Variants in FGD4 observed in about 807,000 individuals in gnomAD.
The protein encoded by FGD4 is FYVE, RhoGEF and PH domain-containing protein 4.
Under a neutral mutation model 102.0 loss-of-function variants are expected in FGD4, and 42 were observed. The ratio of observed to expected loss-of-function variants is 0.41; its 90% confidence interval spans 0.32 to 0.53. The LOEUF is 0.53. Among genes scored for constraint, FGD4 ranks in the 20% least tolerant of loss-of-function variants. The pLI, the probability that FGD4 is intolerant of heterozygous loss-of-function variation, is 0.21. For synonymous variants in FGD4, 380 were observed against 375.7 expected (o/e 1.01, Z -0.13); for missense variants, 902 against 1,078.2 (o/e 0.84, Z 2.29).
At chr12:32,560,040 GA>G (rs1459256669) in intron 1 of FGD4, among the ~76,000 whole-genome samples, 1 of 152,154 alleles carries the variant, frequency 6.6e-6, no homozygotes, top group African/African-American at 2.4e-5. Context: ...TAGACCCCGG[GA>G]GGTGGCCTTT....
At chr12:32,513,404 T>A (rs1304024472) in intron 1 of FGD4, among the ~76,000 whole-genome samples, 1 of 152,194 alleles carries the variant, frequency 6.6e-6, no homozygotes, top group East Asian at 1.9e-4. Flanking sequence ...AAACTGTAAG[T>A]CAGGTGTGGG....
At chr12:32,578,802 G>A (rs1294207819) in intron 3 of FGD4, among the ~76,000 whole-genome samples, 10 of 151,714 alleles carry the variant, frequency 6.6e-5, no homozygotes, top group African/African-American at 2.4e-4. Context: ...CTGCACTCCA[G>A]CCTGGGCGAC....
chr12:32,526,714 G>A (rs2136790268), intron 1 of FGD4, among the ~76,000 whole-genome samples: 1 of 152,236 alleles, frequency 6.6e-6, no homozygotes, highest in African/African-American at 2.4e-5. Flanking sequence ...TTGGGTCCAT[G>A]CTGCTTTTAT....
At chr12:32,497,483 A>G (rs1409627873) in intron 1 of FGD4, among the ~76,000 whole-genome samples, 1 of 152,118 alleles carries the variant, frequency 6.6e-6, no homozygotes, top group Non-Finnish European at 1.5e-5. Flanking sequence ...TAGATACTGT[A>G]TTTTGTGGTT....
intron 11 of FGD4, among the ~76,000 whole-genome samples, chr12:32,623,000 AT>A (rs1949940615): frequency 6.6e-6 from 1 of 152,206 alleles, no homozygotes; most frequent in African/African-American, 2.4e-5. Context: ...ATATTGAAAG[AT>A]TTTTTATATT....
Position 32,645,293 on chromosome 12 carries a change from CTTTT to C in FGD4, c.*4769_*4772del, listed in dbSNP as rs567814235. 2 of 145,100 alleles carry C rather than the reference CTTTT, an allele frequency of 1.4e-5. No homozygotes were observed. The highest frequency in any genetic ancestry group is 3.0e-5 in the Non-Finnish European group (2 of 65,762). The allele number at this position is 145,100 out of a possible 1,614,324, so 9.0% of individuals were successfully genotyped here. On this transcript the variant is annotated 3_prime_UTR_variant, in exon 17 of 17. Transcript: ENST00000534526. The stretch of plus-strand genomic sequence containing the variant: ...CAGTCATGTCTGTCTGTATATAAGA[CTTTT>C]TTTTTTTTAACCAAACTAGCATTTC...
intron 1 of FGD4, among the ~76,000 whole-genome samples, chr12:32,495,488 A>T (rs1196482451): frequency 6.6e-6 from 1 of 152,034 alleles, no homozygotes; most frequent in East Asian, 1.9e-4. Flanking sequence ...CGAGGTCAGG[A>T]GATCGAGACC....
chr12:32,480,650 A>G (rs748636426), intron 1 of FGD4, among the ~76,000 whole-genome samples: 2 of 149,214 alleles, frequency 1.3e-5, no homozygotes, highest in Non-Finnish European at 3.0e-5. Flanking sequence ...ACAGGCACGC[A>G]CCACCATGGC....
intron 1 of FGD4, among the ~76,000 whole-genome samples, chr12:32,453,197 A>AT (rs1327749724): frequency 6.0e-5 from 2 of 33,576 alleles, no homozygotes; most frequent in African/African-American, 5.0e-5. Flanking sequence ...TTTTATATAT[A>AT]TATTATATAT....
At chr12:32,490,554 A>G (rs569530975) in intron 1 of FGD4, among the ~76,000 whole-genome samples, 1 of 152,140 alleles carries the variant, frequency 6.6e-6, no homozygotes, top group African/African-American at 2.4e-5. Flanking sequence ...GCCTGCCACC[A>G]TGCCCGGCTA....
In FGD4 at chr12:32,611,231, T is replaced by C; in HGVS notation, c.1697T>C (p.Ile566Thr). ...AATGAACTAATAAAAGAAGGACAGA[T>C]CCTCAAACTAGCTGCTCGGAACACT... ...PSNELIKEGQ[I>T]LKLAARNTSA... The change falls in exon 10 of 17, where the codon ATC (isoleucine) becomes ACC (threonine). Residue 566 changes from isoleucine to threonine, a missense_variant. Ile to Thr is a moderately conservative substitution (Grantham distance 89). Around this residue, in one of 2 missense-constraint regions of FGD4, gnomAD observed 459 missense variants for 619.0 expected, o/e 0.74. Coordinates refer to ENST00000534526, the MANE Select transcript of FGD4 (RefSeq NM_001370298.3). 1.9e-6 allele frequency: 3 copies of C among 1,614,200 alleles called. No homozygotes were observed. Among genetic ancestry groups the C allele is most frequent in the South Asian group, 2.2e-5 (2 of 91,084 alleles).
intron 3 of FGD4, among the ~76,000 whole-genome samples, chr12:32,581,669 G>A (rs531811868): frequency 6.7e-4 from 101 of 151,796 alleles, no homozygotes; most frequent in African/African-American, 2.2e-3. Context: ...AAAGTTAAGC[G>A]TTGAAAAATA....
At chr12:32,612,233 G>A (rs576852046) in intron 10 of FGD4, among the ~76,000 whole-genome samples, 8 of 152,320 alleles carry the variant, frequency 5.3e-5, no homozygotes, top group Non-Finnish European at 8.8e-5. Context: ...GCAGGGAGCC[G>A]GTGCCCATGC....
chr12:32,406,515 C>T (rs1041094764), intron 1 of FGD4, among the ~76,000 whole-genome samples: 6 of 151,582 alleles, frequency 4.0e-5, no homozygotes, highest in African/African-American at 1.5e-4. Flanking sequence ...GATTGTGTCA[C>T]TGCACTCCAG....
intron 1 of FGD4, among the ~76,000 whole-genome samples, chr12:32,451,652 C>G (rs557332458): frequency 5.3e-5 from 8 of 150,976 alleles, no homozygotes; most frequent in Non-Finnish European, 1.2e-4. Flanking sequence ...ACCTGTAATC[C>G]CAGGAGGGAT....
chr12:32,598,567 G>A lies in FGD4; in HGVS notation c.1082G>A (p.Arg361Gln), dbSNP rs903824731. Residue 361 changes from arginine to glutamine, a missense_variant, in exon 5 of 17, where the codon CGA becomes CAA. Coordinates refer to ENST00000534526, the MANE Select transcript of FGD4 (RefSeq NM_001370298.3). ...LLLTERAYVN[R>Q]LDLLDQVFYC... ...CTTACTGAAAGAGCTTATGTCAACC[G>A]ACTTGACCTCTTAGATCAGGTAAGA... The A allele has an allele frequency of 3.1e-6, 5 of 1,613,474 alleles. No individual in the cohort carries two copies. The highest frequency in any genetic ancestry group is 4.2e-6 in the Non-Finnish European group (5 of 1,179,664).
intron 1 of FGD4, among the ~76,000 whole-genome samples, chr12:32,458,301 A>G (rs1198302163): frequency 6.6e-6 from 1 of 151,706 alleles, no homozygotes; most frequent in Non-Finnish European, 1.5e-5. Flanking sequence ...CTCCTGAGTA[A>G]TTGGGACTAC....
chr12:32,466,593 C>T (rs796245935), intron 1 of FGD4, among the ~76,000 whole-genome samples: 111 of 151,992 alleles, frequency 7.3e-4, no homozygotes, highest in African/African-American at 2.6e-3. Flanking sequence ...CATGGCCGGG[C>T]GCGGTGGCTC....
intron 12 of FGD4, 80 bp from the exon 13 acceptor site, chr12:32,624,896 A>C: frequency 3.4e-6 from 4 of 1,186,754 alleles, no homozygotes; most frequent in Non-Finnish European, 5.0e-6. Context: ...TTCCTATCAT[A>C]GATATTTGTT....
Sources: gnomAD v4.1 joint callset for allele counts (sites outside exome capture counted in the v4.1 genomes callset) on GRCh38, gnomAD v4.1.1 for gene constraint, gnomAD v4.1.1 regional missense constraint, MANE v1.5 for transcripts, NCBI Gene and HGNC (gene_info 2026-07-23, HGNC 2026-07-21) for gene names.